Variants in PKHD1 observed in about 807,000 individuals in gnomAD.
PKHD1 encodes the protein fibrocystin.
A neutral mutation model predicts 412.0 loss-of-function variants in PKHD1; 291 were observed. The observed-to-expected ratio is 0.71, with a 90% CI of 0.64 to 0.78. PKHD1 has a LOEUF of 0.78. Ranked by LOEUF, PKHD1 falls within the 30% of genes least tolerant of loss-of-function variation. The probability of loss-of-function intolerance (pLI) is 0.00; values close to 1 mark genes in which losing one functional copy is unlikely to be tolerated. For synonymous variants in PKHD1, 1,777 were observed against 1,821.5 expected (o/e 0.98, Z 0.62); for missense variants, 4,825 against 4,950.7 (o/e 0.97, Z 0.76).
chr6:51,626,855 T>A, intron 66 of PKHD1, 142 bp downstream of exon 66: 1 of 820,532 alleles, frequency 1.2e-6, no homozygotes, highest in Non-Finnish European at 2.1e-6. Flanking sequence ...TGCTGGGGTA[T>A]AATTTCTTTG....
At chr6:51,992,948 T>A (rs1457640514) in intron 35 of PKHD1, among the ~76,000 whole-genome samples, 3 of 152,204 alleles carry the variant, frequency 2.0e-5, no homozygotes, top group Non-Finnish European at 2.9e-5. Flanking sequence ...AAAACTAGAT[T>A]CAACCATCAC....
intron 35 of PKHD1, among the ~76,000 whole-genome samples, chr6:51,971,284 A>G (rs1793630607): frequency 6.6e-6 from 1 of 152,202 alleles, no homozygotes; most frequent in African/African-American, 2.4e-5. Flanking sequence ...ATATGCCACT[A>G]TAAGGACCTT....
intron 48 of PKHD1, among the ~76,000 whole-genome samples, chr6:51,867,299 T>C (rs978909154): frequency 6.6e-6 from 1 of 152,204 alleles, no homozygotes; most frequent in African/African-American, 2.4e-5. Flanking sequence ...GCCCCGCTGC[T>C]GACTTAATGG....
At chr6:52,072,294 C>T in intron 7 of PKHD1, 105 bp from the exon 8 acceptor site, 2 of 777,748 alleles carry the variant, frequency 2.6e-6, no homozygotes, top group Non-Finnish European at 4.4e-6. Context: ...TGAACACTCT[C>T]CTCTGGATTT....
In PKHD1 at chr6:51,906,325, C is replaced by T. The variant is rs763065348; in HGVS notation, c.6698G>A (p.Gly2233Asp). The change falls in exon 41 of 67, where the codon GGC (glycine) becomes GAC (aspartate). Residue 2233 changes from glycine to aspartate, a missense_variant. Coordinates refer to ENST00000371117, the MANE Select transcript of PKHD1 (RefSeq NM_138694.4). ...ACTGAAGGAGTTCCTCACTGTGCAGCCCTGTATGAAAGACTCTGAATAGGA... is the reference window on the plus strand; with the variant it reads ...ACTGAAGGAGTTCCTCACTGTGCAGTCCTGTATGAAAGACTCTGAATAGGA... The part of the protein sequence containing the change: ...VGAMRESFIQ[G>D]CTVRNSFSRG... The T allele has an allele frequency of 1.9e-5, 31 of 1,610,832 alleles. No individual in the cohort carries two copies. Among genetic ancestry groups the T allele is most frequent in the African/African-American group, 4.0e-5 (3 of 74,752 alleles).
chr6:52,048,544 A>G lies in PKHD1; in HGVS notation c.2355T>C (p.Ser785=), dbSNP rs747871834. 1 of 1,614,028 alleles carries G rather than the reference A, an allele frequency of 6.2e-7. No homozygotes were observed. Among genetic ancestry groups the G allele is most frequent in the Non-Finnish European group, 8.5e-7 (1 of 1,179,930 alleles). The stretch of plus-strand genomic sequence containing the variant: ...TGCGAAAGTGTCCTCCTAGAGGTGG[A>G]CTTGTCCGCTGTCGTCTCTGTGTCG... ...LVTTQRRQRT[S]PPLGGHFRIQ... is the part of the protein sequence containing the mutation. The change falls in exon 23 of 67, where the codon AGT becomes AGC. Residue 785 remains serine, a synonymous_variant. Transcript: ENST00000371117.
At position 51,632,617 on chromosome 6, in the gene PKHD1, C is replaced by T; in HGVS notation, c.11613G>A (p.Trp3871Ter). ...AGCACACCAGACAGCTCAGAGCCAG[C>T]CATGAGGCCACAGAGGACAGGGAAG... ...LAASLSSVAS[W>*]LALSCLVCCW... Residue 3871 changes from tryptophan (W) to a stop codon, truncating the protein, a stop_gained, in exon 65 of 67, where the codon TGG becomes TGA. Coordinates refer to ENST00000371117, the MANE Select transcript of PKHD1 (RefSeq NM_138694.4). LOFTEE classifies it high-confidence loss of function. The T allele has an allele frequency of 6.2e-7, 1 of 1,613,448 alleles. No individual in the cohort carries two copies. Among genetic ancestry groups the T allele is most frequent in the Non-Finnish European group, 8.5e-7 (1 of 1,179,610 alleles).
intron 60 of PKHD1, among the ~76,000 whole-genome samples, chr6:51,738,602 C>G (rs1259169739): frequency 1.3e-5 from 2 of 152,074 alleles, no homozygotes; most frequent in Non-Finnish European, 2.9e-5. Flanking sequence ...GTAAGAGTAT[C>G]AAAACATCAT....
At chr6:51,974,020 T>A (rs115222645) in intron 35 of PKHD1, among the ~76,000 whole-genome samples, 4 of 152,162 alleles carry the variant, frequency 2.6e-5, no homozygotes, top group Non-Finnish European at 5.9e-5. Context: ...TCTTTTAAAA[T>A]TTTCTTGATA....
intron 36 of PKHD1, among the ~76,000 whole-genome samples, chr6:51,958,950 A>G (rs1049671055): frequency 6.6e-5 from 10 of 151,880 alleles, no homozygotes; most frequent in African/African-American, 2.2e-4. Context: ...TATAGAAGAG[A>G]AAAAAAACAG....
intron 41 of PKHD1, 29 bp downstream of exon 41, chr6:51,906,186 C>T: frequency 1.3e-6 from 2 of 1,596,778 alleles, no homozygotes; most frequent in Admixed American, 1.7e-5. Flanking sequence ...CACAAGAATG[C>T]AGAAATTCAA....
intron 60 of PKHD1, among the ~76,000 whole-genome samples, chr6:51,732,015 A>C (rs1377599600): frequency 6.6e-6 from 1 of 152,202 alleles, no homozygotes; most frequent in Non-Finnish European, 1.5e-5. Flanking sequence ...TTGACATGGC[A>C]TAACAGTAAA....
At chr6:51,997,987 G>A (rs1040358620) in intron 35 of PKHD1, among the ~76,000 whole-genome samples, 1 of 152,232 alleles carries the variant, frequency 6.6e-6, no homozygotes, top group East Asian at 1.9e-4. Flanking sequence ...GGAATAGAGT[G>A]GGTCTGCCAC....
At chr6:51,717,647 A>G (rs542571524) in intron 60 of PKHD1, among the ~76,000 whole-genome samples, 18 of 152,288 alleles carry the variant, frequency 1.2e-4, no homozygotes, top group African/African-American at 3.8e-4. Context: ...AGGTTTGCCT[A>G]AGTACACTGT....
chr6:51,734,928 T>C (rs891760553), intron 60 of PKHD1, among the ~76,000 whole-genome samples: 6 of 152,332 alleles, frequency 3.9e-5, no homozygotes, highest in Middle Eastern at 3.4e-3. Context: ...TGAGCATCTG[T>C]GGATTTTGGT....
At chr6:52,006,525 CG>C (rs1402058902) in intron 35 of PKHD1, among the ~76,000 whole-genome samples, 2 of 151,972 alleles carry the variant, frequency 1.3e-5, no homozygotes, top group Non-Finnish European at 2.9e-5. Context: ...TACAGGTACC[CG>C]CCACCATGCT....
intron 36 of PKHD1, among the ~76,000 whole-genome samples, chr6:51,937,718 C>T (rs191965138): frequency 6.5e-4 from 99 of 152,272 alleles, no homozygotes; most frequent in African/African-American, 2.2e-3. Context: ...CCAGTTTCTC[C>T]ATCTGTAAAA....
chr6:51,664,541 C>T (rs1456819400), intron 60 of PKHD1, among the ~76,000 whole-genome samples: 1 of 152,080 alleles, frequency 6.6e-6, no homozygotes, highest in African/African-American at 2.4e-5. Flanking sequence ...TAATTACAAA[C>T]CCTAGATTGT....
intron 59 of PKHD1, among the ~76,000 whole-genome samples, chr6:51,745,384 C>A (rs938361963): frequency 2.0e-5 from 3 of 152,146 alleles, no homozygotes; most frequent in African/African-American, 7.2e-5. Flanking sequence ...GAAGAGAGTA[C>A]TCTCTTGCCC....
Sources: allele counts gnomAD v4.1 joint callset (sites outside exome capture counted in the v4.1 genomes callset), GRCh38; gene constraint gnomAD v4.1.1; transcripts MANE v1.5; gene names NCBI Gene and HGNC (gene_info 2026-07-23, HGNC 2026-07-21).